The following PLEKHF2 variants were observed in gnomAD, a reference collection of about 807,000 sequenced individuals.
The protein encoded by PLEKHF2 is pleckstrin homology domain-containing family F member 2.
Under a neutral mutation model 14.7 loss-of-function variants are expected in PLEKHF2, and 4 were observed. That is an observed-to-expected ratio of 0.27 (90% CI 0.13 to 0.62). The LOEUF (loss-of-function observed/expected upper bound fraction) is 0.62, where lower values mean the gene tolerates loss of function less well. Ranked by LOEUF, PLEKHF2 falls within the 20% of genes least tolerant of loss-of-function variation. The pLI is 0.85. For synonymous variants in PLEKHF2, 90 were observed against 103.5 expected, an observed-to-expected ratio of 0.87 and a Z score of 0.79; for missense variants, 201 against 307.7, an observed-to-expected ratio of 0.65 and a Z score of 2.60.
intron 1 of PLEKHF2, among the ~76,000 whole-genome samples, chr8:95,143,568 A>T (rs532603996): frequency 6.6e-6 from 1 of 152,232 alleles, no homozygotes; most frequent in Non-Finnish European, 1.5e-5. Context: ...CTGTGAGGCT[A>T]TCGAACTGAG....
intron 1 of PLEKHF2, among the ~76,000 whole-genome samples, chr8:95,136,262 C>G (rs933133569): frequency 1.3e-5 from 2 of 151,578 alleles, no homozygotes; most frequent in African/African-American, 4.9e-5. Flanking sequence ...ATAGTTAAAT[C>G]TTCTTTGTAG....
chr8:95,146,494 G>A (rs1215802066), intron 1 of PLEKHF2, among the ~76,000 whole-genome samples: 1 of 150,698 alleles, frequency 6.6e-6, no homozygotes, highest in African/African-American at 2.4e-5. Flanking sequence ...CTTCTCAATT[G>A]TAAGTAGGAT....
At chr8:95,144,928 CTTAG>C (rs1365893386) in intron 1 of PLEKHF2, among the ~76,000 whole-genome samples, 1 of 149,736 alleles carries the variant, frequency 6.7e-6, no homozygotes, top group Admixed American at 6.6e-5. Flanking sequence ...TTGATAATTG[CTTAG>C]TTAGTTCATG....
At chr8:95,137,791 A>G (rs1810392179) in intron 1 of PLEKHF2, among the ~76,000 whole-genome samples, 1 of 152,286 alleles carries the variant, frequency 6.6e-6, no homozygotes, top group African/African-American at 2.4e-5. Flanking sequence ...ACTCTACAAC[A>G]GCAGCCTGCA....
At chr8:95,153,497 TA>T (rs1810583121) in intron 1 of PLEKHF2, among the ~76,000 whole-genome samples, 2 of 152,140 alleles carry the variant, frequency 1.3e-5, no homozygotes, top group Non-Finnish European at 2.9e-5. Context: ...ATTAGGGTTT[TA>T]GAGATCACTG....
intron 1 of PLEKHF2, among the ~76,000 whole-genome samples, chr8:95,137,317 T>C (rs1946945): frequency 0.044 from 6,737 of 152,288 alleles, 241 homozygotes; most frequent in Middle Eastern, 0.12. Flanking sequence ...TATAGAATCA[T>C]AGAATTTAAA....
At chr8:95,149,001 AG>A (rs1408201771) in intron 1 of PLEKHF2, among the ~76,000 whole-genome samples, 1 of 152,038 alleles carries the variant, frequency 6.6e-6, no homozygotes, top group Non-Finnish European at 1.5e-5. Flanking sequence ...ATAAAACTAT[AG>A]ATTAATATAC....
At chr8:95,134,931 G>T (rs763714660) in intron 1 of PLEKHF2, among the ~76,000 whole-genome samples, 1 of 152,190 alleles carries the variant, frequency 6.6e-6, no homozygotes, top group African/African-American at 2.4e-5. Flanking sequence ...AATAAGAAGT[G>T]ATCTTGACAG....
At chr8:95,153,984 GAATTTAT>G (rs1381555078) in intron 1 of PLEKHF2, 40 bp from the exon 2 acceptor site, 39 of 1,323,358 alleles carry the variant, frequency 2.9e-5, no homozygotes, top group Admixed American at 1.6e-4. Flanking sequence ...TAACTTATAG[GAATTTAT>G]AATTTATATG....
Position 95,136,333 on chromosome 8 carries a change from TACACACAC to T in PLEKHF2, c.-15+2337_-15+2344del, listed in dbSNP as rs34457137. 4.1e-3 allele frequency among the ~76,000 whole-genome samples: 509 copies of T among 124,006 alleles called. 3 individuals are homozygous for T. Among genetic ancestry groups the T allele is most frequent in the African/African-American group, 0.012 (379 of 31,736 alleles). 81.4% of individuals were successfully genotyped at this position (124,006 alleles called of 152,430 possible). A position where few individuals can be genotyped will look rare whatever the true frequency, so the allele number is the denominator to read the frequency against. Reference sequence around the variant, plus strand: ...TCCACAGATTGGTTTTTATTATATATACACACACACACACACACACACACACACACACA... The same window carrying T: ...TCCACAGATTGGTTTTTATTATATATACACACACACACACACACACACACA... On this transcript the variant is annotated intron_variant, in intron 1 of 1. Coordinates refer to ENST00000315367, the MANE Select transcript of PLEKHF2 (RefSeq NM_024613.4).
At chr8:95,142,506 C>G (rs555072532) in intron 1 of PLEKHF2, among the ~76,000 whole-genome samples, 3 of 152,202 alleles carry the variant, frequency 2.0e-5, no homozygotes, top group Admixed American at 2.0e-4. Flanking sequence ...CTGCCTGCCA[C>G]GGCCTCCCAA....
chr8:95,153,493 G>A (rs1355251065), intron 1 of PLEKHF2, among the ~76,000 whole-genome samples: 1 of 152,118 alleles, frequency 6.6e-6, no homozygotes, highest in African/African-American at 2.4e-5. Flanking sequence ...TCAAATTAGG[G>A]TTTTAGAGAT....
chr8:95,141,096 G>C (rs1009166199), intron 1 of PLEKHF2, among the ~76,000 whole-genome samples: 17 of 152,038 alleles, frequency 1.1e-4, no homozygotes, highest in African/African-American at 4.1e-4. Context: ...ATACTGCTTT[G>C]CACAGAGCAA....
intron 1 of PLEKHF2, among the ~76,000 whole-genome samples, chr8:95,150,294 C>G (rs10088488): frequency 0.08 from 12,124 of 151,916 alleles, 663 homozygotes; most frequent in African/African-American, 0.14. Context: ...TATTCAGGAC[C>G]AAAAAGGATA....
chr8:95,153,225 G>A (rs1264177475), intron 1 of PLEKHF2, among the ~76,000 whole-genome samples: 1 of 152,054 alleles, frequency 6.6e-6, no homozygotes, highest in Admixed American at 6.6e-5. Context: ...GTCTAGCATG[G>A]GAGTTTAAAG....
At chr8:95,138,431 G>A (rs1245267733) in intron 1 of PLEKHF2, among the ~76,000 whole-genome samples, 1 of 127,138 alleles carries the variant, frequency 7.9e-6, no homozygotes, top group African/African-American at 3.0e-5. Context: ...CAACAGTTGG[G>A]GAAAAAGAAA....
chr8:95,142,731 G>T (rs1271432828), intron 1 of PLEKHF2, among the ~76,000 whole-genome samples: 1 of 152,114 alleles, frequency 6.6e-6, no homozygotes, highest in East Asian at 1.9e-4. Flanking sequence ...TTTGGAGAAA[G>T]AAATCATTTA....
rs55938261 is a variant in PLEKHF2, at chr8:95,152,602, C to T, written c.-14-1429C>T. On this transcript the variant is annotated intron_variant, in intron 1 of 1. Transcript: ENST00000315367. ...GGATAGTAGGCTTTTAATTGGCTGG[C>T]ATATTAGTCCTAATTAGAAACCTTT... 2.6e-3 allele frequency among the ~76,000 whole-genome samples: 400 copies of T among 152,140 alleles called. 3 individuals are homozygous for T. The highest frequency in any genetic ancestry group is 2.3e-3 in the Non-Finnish European group (158 of 67,958).
chr8:95,146,893 A>G (rs1810506050), intron 1 of PLEKHF2, among the ~76,000 whole-genome samples: 1 of 152,126 alleles, frequency 6.6e-6, no homozygotes, highest in African/African-American at 2.4e-5. Context: ...ACAAGTATCA[A>G]TAGTTTTCCT....
Sources: gnomAD v4.1 joint callset for allele counts (sites outside exome capture counted in the v4.1 genomes callset) on GRCh38, gnomAD v4.1.1 for gene constraint, MANE v1.5 for transcripts, NCBI Gene and HGNC (gene_info 2026-07-23, HGNC 2026-07-21) for gene names.